CCDC141: variants seen among roughly 807,000 people sequenced by gnomAD.
CCDC141 encodes coiled-coil domain containing 141.
CCDC141 carries 168 observed loss-of-function variants against 181.0 expected under a neutral mutation model. That is an observed-to-expected ratio of 0.93 (90% confidence interval 0.82 to 1.05). The LOEUF is 1.05. CCDC141 is among the 50% of genes least tolerant of loss of function. CCDC141 has a pLI of 0.00. For missense variants in CCDC141, 1,902 were observed against 1,788.5 expected, an observed-to-expected ratio of 1.06 and a Z score of -1.14; for synonymous variants, 666 against 642.3, an observed-to-expected ratio of 1.04 and a Z score of -0.56.
chr2:178,847,569 T>C (rs1178598922), intron 21 of CCDC141, among the ~76,000 whole-genome samples: 2 of 152,162 alleles, frequency 1.3e-5, no homozygotes, highest in Admixed American at 6.6e-5. Flanking sequence ...AGGCAAAGCA[T>C]AGTGTTAAAT....
chr2:178,824,774 G>A (rs1684094425), downstream of CCDC141, among the ~76,000 whole-genome samples: 1 of 152,004 alleles, frequency 6.6e-6, no homozygotes, highest in South Asian at 2.1e-4. Context: ...AAGTAAATCA[G>A]TATTTGTGCA....
intron 2 of CCDC141, among the ~76,000 whole-genome samples, chr2:179,023,175 A>T (rs992793409): frequency 3.9e-5 from 6 of 152,206 alleles, no homozygotes; most frequent in Non-Finnish European, 7.4e-5. Context: ...TAAAATGGAG[A>T]TTAAAAATAA....
At chr2:178,957,805 C>T (rs1225613903) in intron 5 of CCDC141, among the ~76,000 whole-genome samples, 1 of 152,104 alleles carries the variant, frequency 6.6e-6, no homozygotes, top group African/African-American at 2.4e-5. Flanking sequence ...TGGCTCACTG[C>T]AGTCTCAACC....
chr2:178,968,236 C>A (rs1485766648), intron 4 of CCDC141, among the ~76,000 whole-genome samples: 2 of 152,178 alleles, frequency 1.3e-5, no homozygotes, highest in Non-Finnish European at 2.9e-5. Context: ...AACAAGCAGA[C>A]CTAATAGACA....
intron 3 of CCDC141, among the ~76,000 whole-genome samples, chr2:178,976,833 T>C (rs1354842367): frequency 6.6e-6 from 1 of 152,214 alleles, no homozygotes; most frequent in Non-Finnish European, 1.5e-5. Context: ...GGTAGTTTGT[T>C]TGTTACCTGC....
In CCDC141 at chr2:179,013,960, CAAAAAAAAAAAAA is replaced by C. The variant is rs59851189; in HGVS notation, c.225+33311_225+33323del. On this transcript the variant is annotated intron_variant, in intron 2 of 23. Transcript: ENST00000443758. ...TGGGCTACAGAGTGAGACTCCATCT[CAAAAAAAAAAAAA>C]AAAAAAAAAAAAAAGGACAAATCTA... Among the ~76,000 whole-genome samples, 13 of 46,880 alleles carry C rather than the reference CAAAAAAAAAAAAA, an allele frequency of 2.8e-4. 1 individual carries two copies. Among genetic ancestry groups the C allele is most frequent in the African/African-American group, 1.3e-3 (13 of 9,960 alleles). 30.8% of individuals were successfully genotyped at this position (46,880 alleles called of 152,430 possible).
rs1337383381 is a variant in CCDC141, at chr2:178,905,775, A to G, written c.1093-274T>C. On this transcript the variant is annotated intron_variant, in intron 7 of 23. Coordinates refer to ENST00000443758, the MANE Select transcript of CCDC141 (RefSeq NM_173648.4). ...TTTACATTGAGAATGTATCTATACAACACAAAGAGTTATAACCGCATAGAA... is the reference window on the plus strand; with the variant it reads ...TTTACATTGAGAATGTATCTATACAGCACAAAGAGTTATAACCGCATAGAA... Among the ~76,000 whole-genome samples, 3 of 152,350 alleles carry G rather than the reference A, an allele frequency of 2.0e-5. 1 individual carries two copies. Among genetic ancestry groups the G allele is most frequent in the East Asian group, 3.9e-4 (2 of 5,184 alleles).
At position 179,022,009 on chromosome 2, in the gene CCDC141, C is replaced by CTTAA. The variant is rs767758246; in HGVS notation, c.225+25271_225+25274dup. ...ACATTAATTCTTATAAATGCGTCTC[C>CTTAA]TTAATTTTTTCTTTTTGGATATTTG... On this transcript the variant is annotated intron_variant, in intron 2 of 23. Transcript: ENST00000443758. Among the ~76,000 whole-genome samples, 24 of 152,168 alleles carry CTTAA rather than the reference C, an allele frequency of 1.6e-4. 1 individual carries two copies. The East Asian group carries it at 2.9e-3, about 18-fold the overall frequency.
chr2:178,935,120 CT>C (rs1558991313), intron 6 of CCDC141, among the ~76,000 whole-genome samples: 1 of 151,828 alleles, frequency 6.6e-6, no homozygotes, highest in Admixed American at 6.6e-5. Context: ...CAAACATTTT[CT>C]TTTTTTTAAC....
chr2:178,921,579 T>G (rs1161888567), intron 6 of CCDC141, among the ~76,000 whole-genome samples: 1 of 152,154 alleles, frequency 6.6e-6, no homozygotes. Context: ...TTTACTGCAG[T>G]ACTTCTTGGC....
the CCDC141 span, among the ~76,000 whole-genome samples, chr2:178,818,913 T>C: frequency 0.18 from 26,727 of 152,138 alleles, 3,993 homozygotes; most frequent in East Asian, 0.73. Flanking sequence ...AAAGCATTTG[T>C]AAAGGCGACT....
chr2:178,870,255 GAC>G (rs1686055540), intron 14 of CCDC141, among the ~76,000 whole-genome samples: 1 of 77,810 alleles, frequency 1.3e-5, no homozygotes, highest in Non-Finnish European at 2.4e-5. Flanking sequence ...AAAAAAAAAA[GAC>G]AGTGAGAGAA....
chr2:179,024,329 C>T (rs2042770325), intron 2 of CCDC141, among the ~76,000 whole-genome samples: 1 of 152,154 alleles, frequency 6.6e-6, no homozygotes, highest in African/African-American at 2.4e-5. Flanking sequence ...TCCTTTTTCG[C>T]ATGTTTCTTT....
chr2:178,999,881 G>T (rs2041909456), intron 2 of CCDC141, among the ~76,000 whole-genome samples: 1 of 151,964 alleles, frequency 6.6e-6, no homozygotes, highest in African/African-American at 2.4e-5. Flanking sequence ...TGGGGCAAGG[G>T]TATTAGCCCC....
At chr2:178,858,732 T>G (rs951117724) in intron 17 of CCDC141, among the ~76,000 whole-genome samples, 2 of 152,026 alleles carry the variant, frequency 1.3e-5, no homozygotes, top group African/African-American at 2.4e-5. Flanking sequence ...ATTCTTCTAC[T>G]TATATATAAG....
intron 2 of CCDC141, among the ~76,000 whole-genome samples, chr2:179,038,337 G>A (rs1002958667): frequency 3.9e-5 from 6 of 152,100 alleles, no homozygotes; most frequent in Non-Finnish European, 8.8e-5. Flanking sequence ...GACAGAAAGT[G>A]GATTAGAGCT....
At chr2:178,856,792 C>G (rs1487336283) in intron 17 of CCDC141, among the ~76,000 whole-genome samples, 2 of 152,080 alleles carry the variant, frequency 1.3e-5, no homozygotes, top group African/African-American at 4.8e-5. Flanking sequence ...ACCATGTTGG[C>G]CAGACTGGTC....
intron 8 of CCDC141, among the ~76,000 whole-genome samples, chr2:178,901,752 G>C (rs959932228): frequency 1.3e-5 from 2 of 151,536 alleles, no homozygotes; most frequent in African/African-American, 4.9e-5. Flanking sequence ...GGAAGTTCTG[G>C]CCAGGGCAAT....
chr2:178,906,803 T>C (rs973529271), intron 7 of CCDC141, among the ~76,000 whole-genome samples: 1 of 152,002 alleles, frequency 6.6e-6, no homozygotes, highest in Non-Finnish European at 1.5e-5. Context: ...GCGAGCAAGG[T>C]TGAGCTGGTG....
Sources: gnomAD v4.1 joint callset for allele counts (sites outside exome capture counted in the v4.1 genomes callset) on GRCh38, gnomAD v4.1.1 for gene constraint, MANE v1.5 for transcripts, NCBI Gene and HGNC (gene_info 2026-07-23, HGNC 2026-07-21) for gene names.